The following MACROD2 variants were observed in gnomAD, a reference collection of about 807,000 sequenced individuals.
The protein encoded by MACROD2 is ADP-ribose glycohydrolase MACROD2.
In MACROD2, 36 loss-of-function variants were observed where a neutral mutation model predicts 70.4. The ratio of observed to expected loss-of-function variants is 0.51; its 90% CI spans 0.39 to 0.68. MACROD2 has a LOEUF of 0.68. MACROD2 is among the 30% of genes least tolerant of loss of function. The pLI is 0.00. For missense variants in MACROD2, 496 were observed against 538.4 expected (o/e 0.92, Z 0.78); for synonymous variants, 172 against 178.8 (o/e 0.96, Z 0.30).
At chr20:15,292,621 A>G (rs1213639563) in intron 6 of MACROD2, among the ~76,000 whole-genome samples, 1 of 152,216 alleles carries the variant, frequency 6.6e-6, no homozygotes, top group Non-Finnish European at 1.5e-5. Context: ...GCTGACTTCT[A>G]ATTCATGATG....
intron 3 of MACROD2, among the ~76,000 whole-genome samples, chr20:14,318,225 A>G (rs2082629895): frequency 6.6e-6 from 1 of 152,118 alleles, no homozygotes; most frequent in South Asian, 2.1e-4. Flanking sequence ...AATTGCCTAG[A>G]CTATCCTCCC....
At chr20:14,146,043 C>T (rs1045915898) in intron 3 of MACROD2, among the ~76,000 whole-genome samples, 7 of 152,170 alleles carry the variant, frequency 4.6e-5, no homozygotes, top group African/African-American at 1.7e-4. Flanking sequence ...CTGTAAGTGG[C>T]CAGGCGCGGT....
chr20:15,610,532 C>A (rs940047868), intron 8 of MACROD2, among the ~76,000 whole-genome samples: 1 of 152,128 alleles, frequency 6.6e-6, no homozygotes, highest in South Asian at 2.1e-4. Context: ...GGGGCACTTA[C>A]CACTGGGTCT....
intron 5 of MACROD2, among the ~76,000 whole-genome samples, chr20:14,908,920 C>G (rs1378365485): frequency 6.6e-6 from 1 of 152,132 alleles, no homozygotes; most frequent in Non-Finnish European, 1.5e-5. Flanking sequence ...GTAGTGATTT[C>G]AGATATAAGT....
intron 5 of MACROD2, among the ~76,000 whole-genome samples, chr20:15,001,500 T>A (rs1380862576): frequency 2.0e-5 from 3 of 152,202 alleles, no homozygotes; most frequent in African/African-American, 7.2e-5. Context: ...GGTGTTTAAC[T>A]GTTGCATTTA....
At chr20:16,033,102 CAT>C (rs1481123627) in intron 15 of MACROD2, among the ~76,000 whole-genome samples, 1 of 152,026 alleles carries the variant, frequency 6.6e-6, no homozygotes, top group Non-Finnish European at 1.5e-5. Context: ...AAAATAGCTA[CAT>C]GTTAATAAAG....
chr20:14,007,177 C>T (rs2052835168), intron 2 of MACROD2, among the ~76,000 whole-genome samples: 1 of 150,380 alleles, frequency 6.6e-6, no homozygotes, highest in Non-Finnish European at 1.5e-5. Flanking sequence ...ATTTATTTGT[C>T]AGACTTCTAT....
At chr20:14,625,933 C>T (rs1235774343) in intron 4 of MACROD2, among the ~76,000 whole-genome samples, 1 of 152,168 alleles carries the variant, frequency 6.6e-6, no homozygotes, top group African/African-American at 2.4e-5. Context: ...AGCGGTTCTC[C>T]TGCCTCAACC....
At chr20:15,758,696 C>A (rs1398479654) in intron 8 of MACROD2, among the ~76,000 whole-genome samples, 2 of 152,038 alleles carry the variant, frequency 1.3e-5, no homozygotes, top group South Asian at 4.1e-4. Context: ...TGCTCCACCA[C>A]ACCCAGCTAG....
rs149048951 is a variant in MACROD2, at chr20:15,239,687, G to A, written c.540+9626G>A. Among the ~76,000 whole-genome samples, 13 of 152,234 alleles carry A rather than the reference G, an allele frequency of 8.5e-5. No homozygotes were observed. In the East Asian group the frequency reaches 2.5e-3, roughly 29 times the overall value. The stretch of plus-strand genomic sequence containing the variant: ...TAGCAGGTAAGCTATCCCGGAGGAT[G>A]CACAACAGAAAAGCTTATAGACCAA... On this transcript the variant is annotated intron_variant, in intron 6 of 17. Transcript: ENST00000684519.
chr20:14,346,419 G>A (rs1350801422), intron 3 of MACROD2, among the ~76,000 whole-genome samples: 8 of 151,902 alleles, frequency 5.3e-5, no homozygotes, highest in Non-Finnish European at 1.2e-4. Flanking sequence ...ATCTGATTCT[G>A]CTTAAGGAAG....
intron 2 of MACROD2, among the ~76,000 whole-genome samples, chr20:14,026,381 CA>C (rs1402012982): frequency 6.6e-6 from 1 of 152,140 alleles, no homozygotes; most frequent in Non-Finnish European, 1.5e-5. Context: ...TTGATCCTGT[CA>C]TTATGATGGT....
At chr20:14,044,079 G>C (rs1042675719) in intron 2 of MACROD2, among the ~76,000 whole-genome samples, 1 of 152,148 alleles carries the variant, frequency 6.6e-6, no homozygotes, top group African/African-American at 2.4e-5. Flanking sequence ...AGACCCTCGC[G>C]GTGAGTGTTA....
chr20:14,501,704 T>C lies in MACROD2; in HGVS notation c.301+8196T>C, dbSNP rs2084916761. Among the ~76,000 whole-genome samples, 3 of 152,078 alleles carry C rather than the reference T, an allele frequency of 2.0e-5. No individual in the cohort carries two copies. The South Asian group carries it at 6.2e-4, about 31-fold the overall frequency. ...AGAAAATGTTGAGATTAGCAAATCA[T>C]GCTCAAAGATAGGAATTAAAGGTTG... On this transcript the variant is annotated intron_variant, in intron 4 of 17. Transcript: ENST00000684519.
chr20:15,065,703 A>T (rs181191786), intron 5 of MACROD2, among the ~76,000 whole-genome samples: 1 of 152,008 alleles, frequency 6.6e-6, no homozygotes, highest in Admixed American at 6.6e-5. Flanking sequence ...ATTTTCTCTC[A>T]TTTAAGCATC....
intron 6 of MACROD2, 91 bp from the exon 7 acceptor site, chr20:15,431,314 C>T: frequency 8.6e-7 from 1 of 1,163,780 alleles, no homozygotes; most frequent in Non-Finnish European, 1.3e-6. Context: ...AGAGGGCATC[C>T]CATTATCAAA....
intron 8 of MACROD2, among the ~76,000 whole-genome samples, chr20:15,509,019 A>C (rs550229451): frequency 2.0e-5 from 3 of 152,200 alleles, no homozygotes; most frequent in Non-Finnish European, 2.9e-5. Context: ...AAAGGTTGAG[A>C]ATCATTTGGA....
intron 5 of MACROD2, among the ~76,000 whole-genome samples, chr20:14,880,423 A>G (rs1194094194): frequency 6.6e-6 from 1 of 152,208 alleles, no homozygotes; most frequent in African/African-American, 2.4e-5. Flanking sequence ...TGATCACTGC[A>G]CACTGATTTG....
At chr20:14,478,050 T>C (rs1411857914) in intron 3 of MACROD2, among the ~76,000 whole-genome samples, 3 of 151,458 alleles carry the variant, frequency 2.0e-5, no homozygotes, top group Non-Finnish European at 4.4e-5. Context: ...GAGATAAAGG[T>C]AAAGATTAGC....
Sources: gnomAD v4.1 joint callset for allele counts (sites outside exome capture counted in the v4.1 genomes callset) on GRCh38, gnomAD v4.1.1 for gene constraint, MANE v1.5 for transcripts, NCBI Gene and HGNC (gene_info 2026-07-23, HGNC 2026-07-21) for gene names.